Variants in SNTG2 observed in about 807,000 individuals in gnomAD.
SNTG2 encodes gamma-2-syntrophin.
In SNTG2, 74 loss-of-function variants were observed where a neutral mutation model predicts 70.9. That is an observed-to-expected ratio of 1.04 (90% confidence interval 0.86 to 1.27). SNTG2 has a LOEUF of 1.27. Among genes scored for constraint, SNTG2 ranks in the 50% most tolerant of loss-of-function variants. The pLI is 0.00. For synonymous variants in SNTG2, 278 were observed against 273.8 expected (o/e 1.02, Z -0.15); for missense variants, 717 against 690.7 (o/e 1.04, Z -0.43).
At chr2:1,337,726 A>G (rs1475834497) in intron 16 of SNTG2, among the ~76,000 whole-genome samples, 6 of 152,098 alleles carry the variant, frequency 3.9e-5, no homozygotes, top group African/African-American at 9.7e-5. Context: ...TAATTTATCT[A>G]TGCTTTCTTT....
intron 4 of SNTG2, among the ~76,000 whole-genome samples, chr2:1,119,133 C>A (rs1045907540): frequency 6.6e-6 from 1 of 152,024 alleles, no homozygotes; most frequent in African/African-American, 2.4e-5. Context: ...ACAGGGAAAA[C>A]AAACAAACAC....
chr2:974,731 C>T (rs7355580), intron 1 of SNTG2, among the ~76,000 whole-genome samples: 45,049 of 152,026 alleles, frequency 0.3, 7,031 homozygotes, highest in Middle Eastern at 0.39. Flanking sequence ...TCTTTCAATC[C>T]TGTCTCCATT....
intron 16 of SNTG2, among the ~76,000 whole-genome samples, chr2:1,321,055 T>G: frequency 6.6e-6 from 1 of 152,346 alleles, no homozygotes; most frequent in Non-Finnish European, 1.5e-5. Flanking sequence ...CAAATTATTG[T>G]TAAAGAAACT....
chr2:1,085,415 A>G (rs148684440), intron 2 of SNTG2, among the ~76,000 whole-genome samples: 1 of 152,380 alleles, frequency 6.6e-6, no homozygotes, highest in East Asian at 1.9e-4. Flanking sequence ...GCCTATGCTC[A>G]TAGGTATAGA....
intron 4 of SNTG2, among the ~76,000 whole-genome samples, chr2:1,136,535 A>T (rs34012426): frequency 6.6e-6 from 1 of 152,082 alleles, no homozygotes; most frequent in African/African-American, 2.4e-5. Context: ...TATGAAAACT[A>T]TAGTTTCAAC....
At chr2:1,038,321 A>G (rs1661247619) in intron 1 of SNTG2, among the ~76,000 whole-genome samples, 1 of 152,206 alleles carries the variant, frequency 6.6e-6, no homozygotes, top group Admixed American at 6.5e-5. Context: ...GTTCTCATAG[A>G]ATGAACCTAG....
Position 1,053,152 on chromosome 2 carries a change from A to C in SNTG2, c.73-30366A>C, listed in dbSNP as rs183247952. On this transcript the variant is annotated intron_variant, in intron 1 of 16. Coordinates refer to ENST00000308624, the MANE Select transcript of SNTG2 (RefSeq NM_018968.4). ...GGAGGGTGTTCTGCTGTTGCTGAGC[A>C]CAGTGTTCAACAGACATCAGTCAGC... Among the ~76,000 whole-genome samples the C allele has an allele frequency of 2.5e-3, 383 of 152,278 alleles. 1 individual carries two copies. Among genetic ancestry groups the C allele is most frequent in the African/African-American group, 9.0e-3 (372 of 41,544 alleles).
At chr2:1,096,454 A>G (rs1379664229) in intron 2 of SNTG2, among the ~76,000 whole-genome samples, 1 of 152,094 alleles carries the variant, frequency 6.6e-6, no homozygotes, top group East Asian at 1.9e-4. Context: ...TACAGCTGAA[A>G]TGTTGCACCC....
intron 1 of SNTG2, among the ~76,000 whole-genome samples, chr2:1,026,516 A>G (rs1660488974): frequency 6.6e-6 from 1 of 152,230 alleles, no homozygotes. Flanking sequence ...TAAAACTGCT[A>G]GGAAAAAAAG....
intron 2 of SNTG2, among the ~76,000 whole-genome samples, chr2:1,090,035 C>G (rs995742856): frequency 6.6e-6 from 1 of 152,178 alleles, no homozygotes; most frequent in African/African-American, 2.4e-5. Flanking sequence ...TTCCTTCATA[C>G]GCATTTTTCC....
At chr2:1,149,106 C>A (rs7425111) in intron 6 of SNTG2, among the ~76,000 whole-genome samples, 150,425 of 152,260 alleles carry the variant, frequency 0.99, 74,333 homozygotes, top group Middle Eastern at 1. Context: ...AAAGTAAATT[C>A]TGGATTCCAT....
At chr2:1,158,764 G>A (rs1351975618) in intron 6 of SNTG2, among the ~76,000 whole-genome samples, 1 of 152,172 alleles carries the variant, frequency 6.6e-6, no homozygotes, top group Non-Finnish European at 1.5e-5. Context: ...GCGGCATGGT[G>A]AGAACAAGAG....
chr2:1,362,460 C>T (rs1179579271), intron 16 of SNTG2, among the ~76,000 whole-genome samples: 1 of 152,134 alleles, frequency 6.6e-6, no homozygotes, highest in Non-Finnish European at 1.5e-5. Flanking sequence ...ATGAAGGTCA[C>T]CGATGCTGAG....
chr2:1,251,532 A>G (rs1677763132), intron 12 of SNTG2, among the ~76,000 whole-genome samples: 1 of 147,664 alleles, frequency 6.8e-6, no homozygotes, highest in Non-Finnish European at 1.5e-5. Flanking sequence ...CACATACCAC[A>G]CACATAACAT....
At chr2:1,320,029 T>C (rs1681447047) in intron 16 of SNTG2, among the ~76,000 whole-genome samples, 1 of 152,168 alleles carries the variant, frequency 6.6e-6, no homozygotes, top group Admixed American at 6.5e-5. Flanking sequence ...ACAATATTCC[T>C]AGTAAGTTGA....
chr2:1,194,948 A>G (rs570999247), intron 8 of SNTG2, among the ~76,000 whole-genome samples: 11 of 151,618 alleles, frequency 7.3e-5, no homozygotes, highest in African/African-American at 2.2e-4. Context: ...TCATTGTTCA[A>G]CTCCCACTTG....
intron 14 of SNTG2, among the ~76,000 whole-genome samples, chr2:1,283,487 G>A (rs1200489110): frequency 6.6e-6 from 1 of 152,152 alleles, no homozygotes; most frequent in Non-Finnish European, 1.5e-5. Context: ...CACCTGCAGG[G>A]CATCCAGAGC....
intron 4 of SNTG2, among the ~76,000 whole-genome samples, chr2:1,110,578 C>A (rs966647337): frequency 6.6e-6 from 1 of 152,128 alleles, no homozygotes; most frequent in Non-Finnish European, 1.5e-5. Context: ...GTGATGAATG[C>A]CCCCATTGTC....
intron 8 of SNTG2, among the ~76,000 whole-genome samples, chr2:1,194,505 C>T (rs1343935920): frequency 2.5e-5 from 3 of 119,090 alleles, no homozygotes; most frequent in South Asian, 2.6e-4. Flanking sequence ...GTAGGTACCA[C>T]GTTGGTTGAT....
Sources: allele counts gnomAD v4.1 joint callset (sites outside exome capture counted in the v4.1 genomes callset), GRCh38; gene constraint gnomAD v4.1.1; transcripts MANE v1.5; gene names NCBI Gene and HGNC (gene_info 2026-07-23, HGNC 2026-07-21).